The following ZNF716 variants were observed in gnomAD, a reference collection of about 807,000 sequenced individuals.
ZNF716 encodes zinc finger protein 716.
Under a neutral mutation model 13.4 loss-of-function variants are expected in ZNF716, and 9 were observed. The observed-to-expected ratio is 0.67, with a 90% CI of 0.41 to 1.18. The LOEUF is 1.18. Among genes scored for constraint, ZNF716 ranks in the 50% most tolerant of loss-of-function variants. The probability of loss-of-function intolerance (pLI) is 0.01; values close to 1 mark genes in which losing one functional copy is unlikely to be tolerated. For synonymous variants in ZNF716, 186 were observed against 195.2 expected (o/e 0.95, Z 0.39); for missense variants, 581 against 576.6 (o/e 1.01, Z -0.08).
At chr7:57,463,983 G>GT (rs71065116) in intron 3 of ZNF716, among the ~76,000 whole-genome samples, 52,753 of 151,188 alleles carry the variant, frequency 0.35, 9,555 homozygotes, top group Admixed American at 0.42. Context: ...AGGTAATTTT[G>GT]TTTTTTTGTT....
chr7:57,464,332 G>C (rs1789766995), intron 3 of ZNF716, among the ~76,000 whole-genome samples: 1 of 151,866 alleles, frequency 6.6e-6, no homozygotes, highest in Admixed American at 6.6e-5. Flanking sequence ...TGTTGTTCAG[G>C]CTGGTCTTGA....
At chr7:57,459,566 C>A (rs1206701871) in intron 1 of ZNF716, among the ~76,000 whole-genome samples, 8 of 152,156 alleles carry the variant, frequency 5.3e-5, no homozygotes, top group Admixed American at 4.6e-4. Context: ...GTTGAAAAAG[C>A]CCATTCCTGG....
intron 3 of ZNF716, among the ~76,000 whole-genome samples, chr7:57,468,065 C>T (rs28716192): frequency 0.012 from 1,837 of 151,976 alleles, 43 homozygotes; most frequent in African/African-American, 0.042. Context: ...AGCCTGAAAC[C>T]GATTGTCTTG....
Position 57,473,039 on chromosome 7 carries a change from TACTATTAACCACAGGG to T in ZNF716, c.*3091_*3106del, listed in dbSNP as rs1789973860. 1 of 152,180 alleles carries T rather than the reference TACTATTAACCACAGGG, an allele frequency of 6.6e-6. No individual in the cohort carries two copies. The highest frequency in any genetic ancestry group is 6.6e-5 in the Admixed American group (1 of 15,258). 9.4% of individuals were successfully genotyped at this position (152,180 alleles called of 1,614,324 possible). On this transcript the variant is annotated 3_prime_UTR_variant, in exon 4 of 4. Coordinates refer to ENST00000420713, the MANE Select transcript of ZNF716 (RefSeq NM_001159279.1). ...GTTATTTCAATATGTGCAATTGAAT[TACTATTAACCACAGGG>T]TCATTTTATGATCATAAAAATTACA...
chr7:57,458,276 C>T (rs561979876), intron 1 of ZNF716, among the ~76,000 whole-genome samples: 8 of 152,234 alleles, frequency 5.3e-5, no homozygotes, highest in Admixed American at 3.3e-4. Flanking sequence ...TCACCAGCAG[C>T]GTATAAGCAT....
Position 57,462,493 on chromosome 7 carries a change from T to C in ZNF716, c.73T>C (p.Phe25Leu). 2 of 1,613,980 alleles carry C rather than the reference T, an allele frequency of 1.2e-6. No homozygotes were observed. Among genetic ancestry groups the C allele is most frequent in the Non-Finnish European group, 1.7e-6 (2 of 1,179,966 alleles). ...LLTFRDIAIE[F>L]SLAEWQCLDH... Reference sequence around the variant, plus strand: ...GACATTCAGAGACATAGCTATAGAATTTTCTCTGGCGGAATGGCAATGCCT... The same window carrying C: ...GACATTCAGAGACATAGCTATAGAACTTTCTCTGGCGGAATGGCAATGCCT... The change falls in exon 2 of 4, where the codon TTT (phenylalanine) becomes CTT (leucine). Residue 25 changes from phenylalanine to leucine, a missense_variant. Coordinates refer to ENST00000420713, the MANE Select transcript of ZNF716 (RefSeq NM_001159279.1).
chr7:57,457,066 A>G (rs1789605902), intron 1 of ZNF716, among the ~76,000 whole-genome samples: 1 of 152,174 alleles, frequency 6.6e-6, no homozygotes, highest in South Asian at 2.1e-4. Context: ...CACCACCTTC[A>G]AGAATTCCAC....
Position 57,450,347 on chromosome 7 carries a change from C to T in ZNF716, c.39+20C>T, listed in dbSNP as rs1416160752. 4.3e-6 allele frequency: 7 copies of T among 1,612,804 alleles called. No homozygotes were observed. The African/African-American group carries it at 9.4e-5, about 22-fold the overall frequency. ...GAAATGGTGAGTGCTGGGTCTGTCA[C>T]CGTGAGAGAGGGGTGGGGGCTGGTT... is the stretch of plus-strand genomic sequence containing the variant. On this transcript the variant is annotated intron_variant, in intron 1 of 3. Transcript: ENST00000420713.
At chr7:57,452,907 C>A (rs1789524150) in intron 1 of ZNF716, among the ~76,000 whole-genome samples, 1 of 152,084 alleles carries the variant, frequency 6.6e-6, no homozygotes. Context: ...GAGTTATTTT[C>A]TTTTTGAGAA....
chr7:57,452,470 A>C (rs1252169211), intron 1 of ZNF716, among the ~76,000 whole-genome samples: 1 of 144,122 alleles, frequency 6.9e-6, no homozygotes, highest in African/African-American at 2.6e-5. Context: ...CCCCATCTCT[A>C]CTAAAAATGC....
Position 57,469,683 on chromosome 7 carries a change from T to C in ZNF716, c.1222T>C (p.Tyr408His), listed in dbSNP as rs1554324888. ...HKRTHTGEKP[Y>H]KCEECGKAFN... ...GAGAACTCATACTGGAGAGAAACCCTACAAATGTGAAGAATGTGGCAAAGC... is the reference window on the plus strand; with the variant it reads ...GAGAACTCATACTGGAGAGAAACCCCACAAATGTGAAGAATGTGGCAAAGC... Residue 408 changes from tyrosine (Y) to histidine (H), a missense_variant, in exon 4 of 4, where the codon TAC (tyrosine) becomes CAC (histidine). Transcript: ENST00000420713. 1 of 1,609,662 alleles carries C rather than the reference T, an allele frequency of 6.2e-7. No individual in the cohort carries two copies. Among genetic ancestry groups the C allele is most frequent in the Non-Finnish European group, 8.5e-7 (1 of 1,176,858 alleles).
intron 3 of ZNF716, among the ~76,000 whole-genome samples, chr7:57,468,280 A>T (rs782398823): frequency 3.3e-5 from 5 of 152,196 alleles, no homozygotes; most frequent in Admixed American, 6.5e-5. Flanking sequence ...TAAAGGTGTC[A>T]TTTCAAAGTA....
At chr7:57,458,235 C>T (rs1789639582) in intron 1 of ZNF716, among the ~76,000 whole-genome samples, 1 of 152,106 alleles carries the variant, frequency 6.6e-6, no homozygotes, top group South Asian at 2.1e-4. Flanking sequence ...TGTCAAACTG[C>T]TTTTCTCAAT....
chr7:57,461,737 A>G (rs1424772093), intron 1 of ZNF716, among the ~76,000 whole-genome samples: 2 of 152,176 alleles, frequency 1.3e-5, no homozygotes, highest in Non-Finnish European at 2.9e-5. Context: ...TCCTGAAACA[A>G]AATCTGTATA....
chr7:57,451,730 A>T (rs530196786), intron 1 of ZNF716, among the ~76,000 whole-genome samples: 1 of 145,398 alleles, frequency 6.9e-6, no homozygotes, highest in Non-Finnish European at 1.5e-5. Context: ...TTACAGGAAT[A>T]GGCTATCACA....
Position 57,462,566 on chromosome 7 carries a change from A to G in ZNF716, c.146A>G (p.Tyr49Cys), listed in dbSNP as rs782771611. The G allele has an allele frequency of 2.7e-5, 43 of 1,611,948 alleles. No homozygotes were observed. The highest frequency in any genetic ancestry group is 3.5e-5 in the Non-Finnish European group (41 of 1,179,248). ...TATAGAGATGTGATGTTAGAGAACT[A>G]CAGAAACCTGGTCTCCCTGGGTGAG... ...NLYRDVMLENYRNLVSLGIAV... is the reference protein window; with the variant it reads ...NLYRDVMLENCRNLVSLGIAV... The change falls in exon 2 of 4, where the codon TAC becomes TGC. Residue 49 changes from tyrosine to cysteine, a missense_variant. Transcript: ENST00000420713.
rs781950128 is a variant in ZNF716, at chr7:57,469,669, C to T, written c.1208C>T (p.Thr403Ile). The T allele has an allele frequency of 6.2e-7, 1 of 1,609,648 alleles. No individual in the cohort carries two copies. Among genetic ancestry groups the T allele is most frequent in the Non-Finnish European group, 8.5e-7 (1 of 1,176,810 alleles). The change falls in exon 4 of 4, where the codon ACT becomes ATT. Residue 403 changes from threonine to isoleucine, a missense_variant. By Grantham distance (89) the Thr-to-Ile change is moderately conservative (BLOSUM62 -1). Transcript: ENST00000420713. ...TTCACTTACCACAAGAGAACTCATA[C>T]TGGAGAGAAACCCTACAAATGTGAA... ...STFTYHKRTH[T>I]GEKPYKCEEC... is the part of the protein sequence containing the mutation.
chr7:57,463,350 C>CT (rs1258044657), intron 3 of ZNF716, among the ~76,000 whole-genome samples, 182 bp downstream of exon 3: 2 of 152,186 alleles, frequency 1.3e-5, no homozygotes, highest in Admixed American at 6.5e-5. Flanking sequence ...TTTAAATTCT[C>CT]TAAGGATTCT....
Position 57,451,338 on chromosome 7 carries a change from A to AT in ZNF716, c.39+1022dup, listed in dbSNP as rs1264738148. Among the ~76,000 whole-genome samples the AT allele has an allele frequency of 4.1e-3, 591 of 143,026 alleles. 2 individuals carry two copies. Among genetic ancestry groups the AT allele is most frequent in the African/African-American group, 0.012 (483 of 38,736 alleles). 93.8% of individuals were successfully genotyped at this position (143,026 alleles called of 152,430 possible). A position where few individuals can be genotyped will look rare whatever the true frequency, so the allele number is the denominator to read the frequency against. Reference sequence around the variant, plus strand: ...GCTGTAAGAGATACATTTGAGATAGATTTTTTTTTTTAAGTGAGAGCCGAG... The same window carrying AT: ...GCTGTAAGAGATACATTTGAGATAGATTTTTTTTTTTTAAGTGAGAGCCGAG... On this transcript the variant is annotated intron_variant, in intron 1 of 3. Coordinates refer to ENST00000420713, the MANE Select transcript of ZNF716 (RefSeq NM_001159279.1).
Sources: gnomAD v4.1 joint callset for allele counts (sites outside exome capture counted in the v4.1 genomes callset) on GRCh38, gnomAD v4.1.1 for gene constraint, MANE v1.5 for transcripts, NCBI Gene and HGNC (gene_info 2026-07-23, HGNC 2026-07-21) for gene names.